Variants in FMN2 observed in about 807,000 individuals in gnomAD.
The protein encoded by FMN2 is formin-2.
Under a neutral mutation model 142.3 loss-of-function variants are expected in FMN2, and 51 were observed. That is an observed-to-expected ratio of 0.36 (90% CI 0.29 to 0.45). The LOEUF (loss-of-function observed/expected upper bound fraction) is 0.45. Among genes scored for constraint, FMN2 ranks in the 20% least tolerant of loss-of-function variants. The pLI is 1.00. For missense variants in FMN2, 1,936 were observed against 2,122.8 expected (o/e 0.91, Z 1.73); for synonymous variants, 882 against 869.8 (o/e 1.01, Z -0.25).
At chr1:240,367,939 C>T (rs1015997454) in intron 14 of FMN2, among the ~76,000 whole-genome samples, 3 of 151,940 alleles carry the variant, frequency 2.0e-5, no homozygotes, top group South Asian at 2.1e-4. Flanking sequence ...TTTAATTTTA[C>T]GTCATATGGA....
rs1663402423 is a variant in FMN2 at position 240,145,382 on chromosome 1, G to GC, written c.1782+22039dup. 19 of 539,380 alleles carry GC rather than the reference G, an allele frequency of 3.5e-5. No individual in the cohort carries two copies. The South Asian group carries it at 6.1e-4, about 17-fold the overall frequency. 33.4% of individuals were successfully genotyped at this position (539,380 alleles called of 1,614,324 possible). ...CCATCCTCCCTCCTCCATCTCCGCT[G>GC]CCACTGCCCTTTATTTTTTAATTTT... On this transcript the variant is annotated intron_variant, in intron 2 of 17. Coordinates refer to ENST00000319653, the MANE Select transcript of FMN2 (RefSeq NM_020066.5).
At chr1:240,200,836 A>C (rs1233481532) in intron 4 of FMN2, among the ~76,000 whole-genome samples, 9 of 152,194 alleles carry the variant, frequency 5.9e-5, no homozygotes, top group Admixed American at 5.9e-4. Flanking sequence ...GATCTGTACA[A>C]AAAAGTTCTG....
intron 1 of FMN2, among the ~76,000 whole-genome samples, chr1:240,112,780 T>A (rs75066958): frequency 0.026 from 3,996 of 152,260 alleles, 87 homozygotes; most frequent in Non-Finnish European, 0.041. Context: ...GTTTTCCTGA[T>A]AAGTGACCCT....
chr1:240,226,809 GACACAC>G (rs35315482), intron 6 of FMN2, among the ~76,000 whole-genome samples: 39 of 149,626 alleles, frequency 2.6e-4, no homozygotes, highest in African/African-American at 5.6e-4. Flanking sequence ...ACACTTTAGT[GACACAC>G]ACACACACAC....
At chr1:240,125,485 G>A (rs1226508098) in intron 2 of FMN2, among the ~76,000 whole-genome samples, 1 of 152,198 alleles carries the variant, frequency 6.6e-6, no homozygotes, top group Non-Finnish European at 1.5e-5. Context: ...ATGATGGTGT[G>A]TTAAATGTTA....
At chr1:240,194,042 G>T (rs1372380862) in intron 4 of FMN2, among the ~76,000 whole-genome samples, 2 of 151,510 alleles carry the variant, frequency 1.3e-5, no homozygotes, top group Non-Finnish European at 2.9e-5. Flanking sequence ...GTTTTGTTTT[G>T]TTTTTGTTTG....
chr1:240,174,192 T>C (rs1664819048), intron 2 of FMN2, among the ~76,000 whole-genome samples: 1 of 152,114 alleles, frequency 6.6e-6, no homozygotes, highest in African/African-American at 2.4e-5. Context: ...TCTGCTACTC[T>C]GGAAAATATT....
At chr1:240,123,146 T>A (rs1387435651) in intron 1 of FMN2, 33 bp from the exon 2 acceptor site, 1 of 1,612,120 alleles carries the variant, frequency 6.2e-7, no homozygotes, top group Admixed American at 1.7e-5. Context: ...TGATCGGCAG[T>A]GCTCGCTCTT....
chr1:240,444,854 T>C (rs2356389), intron 16 of FMN2, among the ~76,000 whole-genome samples: 33,883 of 152,120 alleles, frequency 0.22, 4,740 homozygotes, highest in African/African-American at 0.39. Flanking sequence ...TTCAAAGAAA[T>C]TGAAAATACA....
At chr1:240,349,857 T>G (rs1672031436) in intron 13 of FMN2, among the ~76,000 whole-genome samples, 1 of 152,232 alleles carries the variant, frequency 6.6e-6, no homozygotes, top group East Asian at 1.9e-4. Context: ...TATTTGGATT[T>G]GACTGCAATG....
At chr1:240,461,206 G>A (rs1676438730) in intron 16 of FMN2, among the ~76,000 whole-genome samples, 1 of 152,184 alleles carries the variant, frequency 6.6e-6, no homozygotes, top group Non-Finnish European at 1.5e-5. Flanking sequence ...CATGATGTGT[G>A]TCTGGACTTG....
chr1:240,295,222 A>ACACT lies in FMN2; in HGVS notation c.4215+343_4215+346dup, dbSNP rs1553357597. The stretch of plus-strand genomic sequence containing the variant: ...CACACACACACACACACACACACAC[A>ACACT]CACTCACACACACTTAAAATTTTAA... On this transcript the variant is annotated intron_variant, in intron 8 of 17. Transcript: ENST00000319653. Among the ~76,000 whole-genome samples, 199 of 147,592 alleles carry ACACT rather than the reference A, an allele frequency of 1.3e-3. 1 individual carries two copies. Among genetic ancestry groups the ACACT allele is most frequent in the Non-Finnish European group, 1.1e-3 (71 of 66,276 alleles).
At chr1:240,418,086 G>A (rs978445270) in intron 15 of FMN2, among the ~76,000 whole-genome samples, 12 of 151,822 alleles carry the variant, frequency 7.9e-5, no homozygotes, top group Non-Finnish European at 1.2e-4. Flanking sequence ...CTGGGCTATA[G>A]TGATTAAGAC....
intron 7 of FMN2, among the ~76,000 whole-genome samples, chr1:240,286,059 G>A (rs370914415): frequency 8.6e-5 from 13 of 151,984 alleles, no homozygotes; most frequent in Non-Finnish European, 1.3e-4. Flanking sequence ...TAGCATTTTC[G>A]GTGTGGGTTT....
At chr1:240,231,318 G>A (rs1005890029) in intron 6 of FMN2, among the ~76,000 whole-genome samples, 1 of 131,850 alleles carries the variant, frequency 7.6e-6, no homozygotes, top group Non-Finnish European at 1.6e-5. Context: ...AATGTATTTC[G>A]CTATGTTTCT....
intron 16 of FMN2, among the ~76,000 whole-genome samples, chr1:240,463,909 A>T (rs979284761): frequency 5.9e-5 from 9 of 152,162 alleles, no homozygotes; most frequent in African/African-American, 2.2e-4. Context: ...AGGCTGAGGC[A>T]TGAGAATCAT....
intron 14 of FMN2, among the ~76,000 whole-genome samples, chr1:240,389,943 C>A (rs1558467079): frequency 6.6e-6 from 1 of 152,084 alleles, no homozygotes; most frequent in East Asian, 1.9e-4. Flanking sequence ...CAAAGTGAGA[C>A]CCTGTCTCAA....
At chr1:240,454,424 C>G (rs1558116302) in intron 16 of FMN2, among the ~76,000 whole-genome samples, 1 of 152,142 alleles carries the variant, frequency 6.6e-6, no homozygotes, top group African/African-American at 2.4e-5. Flanking sequence ...CACTTGTAAT[C>G]CCAGCTACTC....
At chr1:240,365,519 T>C (rs544148654) in intron 14 of FMN2, among the ~76,000 whole-genome samples, 2 of 151,938 alleles carry the variant, frequency 1.3e-5, no homozygotes, top group African/African-American at 4.8e-5. Context: ...TTGTACTATA[T>C]TCATTTTATG....
Sources: allele counts gnomAD v4.1 joint callset (sites outside exome capture counted in the v4.1 genomes callset), GRCh38; gene constraint gnomAD v4.1.1; transcripts MANE v1.5; gene names NCBI Gene and HGNC (gene_info 2026-07-23, HGNC 2026-07-21).